Variants in PCMTD2 observed in about 807,000 individuals in gnomAD.
PCMTD2 encodes protein-L-isoaspartate O-methyltransferase domain-containing protein 2.
In PCMTD2, 16 loss-of-function variants were observed where a neutral mutation model predicts 33.4. The ratio of observed to expected loss-of-function variants is 0.48; its 90% CI spans 0.32 to 0.73. The LOEUF is 0.73. Ranked by LOEUF, PCMTD2 falls within the 30% of genes least tolerant of loss-of-function variation. The pLI is 0.03. For synonymous variants in PCMTD2, 161 were observed against 160.8 expected, an observed-to-expected ratio of 1.00 and a Z score of -0.01; for missense variants, 374 against 449.9, an observed-to-expected ratio of 0.83 and a Z score of 1.53.
chr20:64,271,646 G>A (rs1263586000), intron 5 of PCMTD2: 1 of 153,506 alleles, frequency 6.5e-6, no homozygotes, highest in Non-Finnish European at 1.4e-5. Flanking sequence ...AGGACTAGCA[G>A]TCATACTGAG....
chr20:64,267,600 ATG>A (rs1280792594), intron 4 of PCMTD2, among the ~76,000 whole-genome samples: 2 of 152,146 alleles, frequency 1.3e-5, no homozygotes, highest in African/African-American at 4.8e-5. Context: ...CACACTGTCT[ATG>A]TGGTTGTTTC....
At chr20:64,259,762 G>C (rs547247352) in intron 1 of PCMTD2, 180 bp from the exon 2 acceptor site, 2 of 554,386 alleles carry the variant, frequency 3.6e-6, no homozygotes, top group East Asian at 2.9e-5. Context: ...ATTGAACTGG[G>C]ATTTTTTTTC....
chr20:64,258,438 T>C (rs1985260623), intron 1 of PCMTD2, among the ~76,000 whole-genome samples: 1 of 152,220 alleles, frequency 6.6e-6, no homozygotes, highest in African/African-American at 2.4e-5. Context: ...TTGCAAAACC[T>C]AATATTCAGC....
chr20:64,267,150 G>C (rs1270644872), intron 4 of PCMTD2, among the ~76,000 whole-genome samples: 1 of 152,194 alleles, frequency 6.6e-6, no homozygotes, highest in Non-Finnish European at 1.5e-5. Flanking sequence ...AGGCCACTTG[G>C]AGACTGACCC....
intron 4 of PCMTD2, among the ~76,000 whole-genome samples, chr20:64,266,705 T>C (rs1383797071): frequency 6.6e-6 from 1 of 152,262 alleles, no homozygotes; most frequent in East Asian, 1.9e-4. Context: ...TGTCTTTGCT[T>C]ATACAAGTGA....
intron 2 of PCMTD2, among the ~76,000 whole-genome samples, chr20:64,262,305 C>T (rs1191059814): frequency 3.3e-5 from 5 of 152,070 alleles, no homozygotes; most frequent in Non-Finnish European, 5.9e-5. Flanking sequence ...ACTTGACATC[C>T]CCTAGAAGTT....
chr20:64,273,668 G>C lies in PCMTD2; in HGVS notation c.*68G>C, dbSNP rs1189666964. The C allele has an allele frequency of 1.4e-6, 2 of 1,392,824 alleles. No homozygotes were observed. Among genetic ancestry groups the C allele is most frequent in the Non-Finnish European group, 1.9e-6 (2 of 1,031,986 alleles). The allele number at this position is 1,392,824 out of a possible 1,614,324, so 86.3% of individuals were successfully genotyped here. A position where few individuals can be genotyped will look rare whatever the true frequency, so the allele number is the denominator to read the frequency against. On this transcript the variant is annotated 3_prime_UTR_variant, in exon 6 of 6. Transcript: ENST00000308824. ...AGTGTGAAGTTCGTGCTGCCTGTGT[G>C]CTGTTGAAGGGTCACCTGGAGGCAG...
At chr20:64,272,356 A>G (rs1985945857) in intron 5 of PCMTD2, 3 of 293,042 alleles carry the variant, frequency 1.0e-5, no homozygotes, top group Non-Finnish European at 2.2e-5. Context: ...TCCCTTTGAG[A>G]AATGTTGCCT....
In PCMTD2 at chr20:64,275,796, T is replaced by C. The variant is rs1431030134; in HGVS notation, c.*2196T>C. 1 of 152,254 alleles carries C rather than the reference T, an allele frequency of 6.6e-6. No homozygotes were observed. Among genetic ancestry groups the C allele is most frequent in the Non-Finnish European group, 1.5e-5 (1 of 68,044 alleles). The allele number at this position is 152,254 out of a possible 1,614,324, so 9.4% of individuals were successfully genotyped here. A position where few individuals can be genotyped will look rare whatever the true frequency, so the allele number is the denominator to read the frequency against. ...GACAACTATTTGCTTTTGAGTAGTT[T>C]GTATTTTAATATGTGACTTTTGTCT... On this transcript the variant is annotated 3_prime_UTR_variant, in exon 6 of 6. Transcript: ENST00000308824.
rs1349828746 is a variant in PCMTD2, at chr20:64,273,459, A to G, written c.945A>G (p.Glu315=). The G allele has an allele frequency of 1.9e-6, 3 of 1,613,540 alleles. No homozygotes were observed. In the Admixed American group the frequency reaches 5.0e-5, roughly 27 times the overall value. ...ATGACAACAGCTGTGAAGACTTGGA[A>G]GAGGAACGGAGGGAAGAAGAAGAGA... ...PSDDNSCEDL[E]EERREEEEKT... is the part of the protein sequence containing the mutation. The change falls in exon 6 of 6, where the codon GAA becomes GAG. Residue 315 remains glutamate (E), a synonymous_variant. Transcript: ENST00000308824.
At chr20:64,264,395 G>A (rs1237751475) in intron 2 of PCMTD2, 34 bp from the exon 3 acceptor site, 6 of 1,029,504 alleles carry the variant, frequency 5.8e-6, no homozygotes, top group Admixed American at 3.4e-5. Context: ...TCTTACTCTG[G>A]TTCTACATGT....
At chr20:64,264,573 G>GT in intron 3 of PCMTD2, 42 bp downstream of exon 3, 1 of 967,066 alleles carries the variant, frequency 1.0e-6, no homozygotes, top group Non-Finnish European at 1.7e-6. Context: ...GATGTGAACT[G>GT]TAATTTTACA....
chr20:64,267,292 G>A (rs1985702822), intron 4 of PCMTD2, among the ~76,000 whole-genome samples: 1 of 152,108 alleles, frequency 6.6e-6, no homozygotes, highest in South Asian at 2.1e-4. Context: ...GCTTTCGTGG[G>A]GGTGATATCA....
At position 64,275,927 on chromosome 20, in the gene PCMTD2, G is replaced by A. The variant is rs976626060; in HGVS notation, c.*2327G>A. The A allele has an allele frequency of 3.9e-5, 6 of 152,170 alleles. No homozygotes were observed. Among genetic ancestry groups the A allele is most frequent in the Non-Finnish European group, 8.8e-5 (6 of 68,020 alleles). The allele number at this position is 152,170 out of a possible 1,614,324, so 9.4% of individuals were successfully genotyped here. On this transcript the variant is annotated 3_prime_UTR_variant, in exon 6 of 6. Coordinates refer to ENST00000308824, the MANE Select transcript of PCMTD2 (RefSeq NM_018257.3). ...GTGTATGTAAAAATACTTTTTACCA[G>A]TCTGGAACTTGGGAAAATCCAGGGA... is the stretch of plus-strand genomic sequence containing the variant.
Position 64,267,965 on chromosome 20 carries a change from C to T in PCMTD2, c.661C>T (p.Gln221Ter). Residue 221 changes from glutamine to a stop codon, truncating the protein, a stop_gained, in exon 5 of 6, where the codon CAG (glutamine) becomes TAG (stop). Coordinates refer to ENST00000308824, the MANE Select transcript of PCMTD2 (RefSeq NM_018257.3). LOFTEE classifies it high-confidence loss of function. ...TGCTGTTTCTTTTGCTCCTCTGATCCAGCCCTGCCATTCAGAGTCAGGAAA... is the reference window on the plus strand; with the variant it reads ...TGCTGTTTCTTTTGCTCCTCTGATCTAGCCCTGCCATTCAGAGTCAGGAAA... ...ILAVSFAPLIQPCHSESGKSR... is the reference protein window; with the variant it reads ...ILAVSFAPLI The T allele has an allele frequency of 2.5e-6, 4 of 1,612,742 alleles. No individual in the cohort carries two copies. The highest frequency in any genetic ancestry group is 3.4e-6 in the Non-Finnish European group (4 of 1,178,798).
At chr20:64,272,214 A>G (rs1263402302) in intron 5 of PCMTD2, 1 of 508,286 alleles carries the variant, frequency 2.0e-6, no homozygotes, top group Non-Finnish European at 3.8e-6. Flanking sequence ...GATTCTGTGC[A>G]GGCCTTTCTG....
In PCMTD2 at chr20:64,260,056, C is replaced by CA; in HGVS notation, c.92dup (p.Ala32GlyfsTer13). On this transcript the variant is annotated frameshift_variant, in exon 2 of 6. Transcript: ENST00000308824. LOFTEE classifies it high-confidence loss of function. ...GTATATCCGGACTGAGCTGGTAGAG[C>CA]AGGCTTTCAGAGCTATCGATCGTGC... The CA allele has an allele frequency of 6.2e-7, 1 of 1,610,074 alleles. No individual in the cohort carries two copies. Among genetic ancestry groups the CA allele is most frequent in the Non-Finnish European group, 8.5e-7 (1 of 1,176,326 alleles).
rs1460823706 is a variant in PCMTD2 at position 64,267,944 on chromosome 20, GTTTC to G, written c.644_647del (p.Ser215LeufsTer4). 17 of 1,613,502 alleles carry G rather than the reference GTTTC, an allele frequency of 1.1e-5. No homozygotes were observed. The highest frequency in any genetic ancestry group is 1.3e-5 in the Non-Finnish European group (15 of 1,179,600). On this transcript the variant is annotated frameshift_variant, in exon 5 of 6. Transcript: ENST00000308824. LOFTEE classifies it high-confidence loss of function. ...TTGGGAAACCAAAAAGATTCTTGCT[GTTTC>G]TTTTGCTCCTCTGATCCAGCCCTGC...
rs950532807 is a variant in PCMTD2 at position 64,263,696 on chromosome 20, G to A, written c.308-733G>A. Among the ~76,000 whole-genome samples the A allele has an allele frequency of 6.6e-5, 10 of 152,216 alleles. No individual in the cohort carries two copies. The East Asian group carries it at 1.9e-3, about 29-fold the overall frequency. On this transcript the variant is annotated intron_variant, in intron 2 of 5. Transcript: ENST00000308824. ...GCAGAGTTGAATCAGCACCCCAAAA[G>A]GCTCCCATGCCCCCTCCTCCTCCTA...
Sources: allele counts gnomAD v4.1 joint callset (sites outside exome capture counted in the v4.1 genomes callset), GRCh38; gene constraint gnomAD v4.1.1; transcripts MANE v1.5; gene names NCBI Gene and HGNC (gene_info 2026-07-23, HGNC 2026-07-21).